The following TGIF1 variants were observed in gnomAD, a reference collection of about 807,000 sequenced individuals.
The protein encoded by TGIF1 is TGFB induced factor homeobox 1.
A neutral mutation model predicts 19.3 loss-of-function variants in TGIF1; 4 were observed. The ratio of observed to expected loss-of-function variants is 0.21; its 90% CI spans 0.10 to 0.47. TGIF1 has a LOEUF of 0.47. Among genes scored for constraint, TGIF1 ranks in the 20% least tolerant of loss-of-function variants. The probability of loss-of-function intolerance (pLI) is 0.98; values close to 1 mark genes in which losing one functional copy is unlikely to be tolerated. For synonymous variants in TGIF1, 122 were observed against 129.3 expected, an observed-to-expected ratio of 0.94 and a Z score of 0.38; for missense variants, 275 against 341.4, an observed-to-expected ratio of 0.81 and a Z score of 1.53.
chr18:3,440,128 A>T (rs1568038833), intron 2 of TGIF1, among the ~76,000 whole-genome samples: 1 of 152,182 alleles, frequency 6.6e-6, no homozygotes, highest in Non-Finnish European at 1.5e-5. Context: ...AGGAGAGCAG[A>T]TCCCTTGAGG....
upstream of TGIF1, among the ~76,000 whole-genome samples, chr18:3,445,748 A>G (rs2082734540): frequency 7.7e-6 from 1 of 129,574 alleles, no homozygotes; most frequent in African/African-American, 3.1e-5. Context: ...AAAAAAAAAA[A>G]AAAAAGAGAA....
intron 1 of TGIF1, among the ~76,000 whole-genome samples, chr18:3,417,449 C>T (rs889710211): frequency 3.3e-5 from 5 of 152,070 alleles, no homozygotes; most frequent in East Asian, 1.9e-4. Flanking sequence ...CATGAGCCAC[C>T]GTGCCTACCC....
intron 1 of TGIF1, among the ~76,000 whole-genome samples, chr18:3,416,386 G>T (rs190043342): frequency 3.9e-5 from 6 of 152,170 alleles, no homozygotes; most frequent in Non-Finnish European, 4.4e-5. Context: ...GGGTGTTATG[G>T]CACGCGCCTG....
intron 2 of TGIF1, among the ~76,000 whole-genome samples, chr18:3,433,455 T>C (rs1281145057): frequency 6.6e-6 from 1 of 152,234 alleles, no homozygotes; most frequent in Non-Finnish European, 1.5e-5. Context: ...ATATATTCTA[T>C]AACATGGCCG....
chr18:3,438,588 T>TACACACACACAC (rs1346525329), intron 2 of TGIF1, among the ~76,000 whole-genome samples: 1 of 43,524 alleles, frequency 2.3e-5, no homozygotes, highest in Non-Finnish European at 5.9e-5. Context: ...CATCATTTCA[T>TACACACACACAC]ACACACAAAC....
rs1568054458 is a variant in TGIF1, at chr18:3,457,061, CCT to C, written c.244-296_244-295del. ...AAAATGGGGAGAGTTAAAAAGTAAA[CCT>C]CTCTCTCAAATCATTTTTAAGCATT... On this transcript the variant is annotated intron_variant, in intron 2 of 2. Coordinates refer to ENST00000343820, the MANE Select transcript of TGIF1 (RefSeq NM_003244.4). This position sits in a 1 kb window ranked among gnomAD's most constrained non-coding sequence, Gnocchi z 4.9. The C allele has an allele frequency of 1.4e-5, 8 of 556,894 alleles. No homozygotes were observed. Among genetic ancestry groups the C allele is most frequent in the African/African-American group, 3.8e-5 (2 of 53,124 alleles). The allele number at this position is 556,894 out of a possible 1,614,324, so 34.5% of individuals were successfully genotyped here. A position where few individuals can be genotyped will look rare whatever the true frequency, so the allele number is the denominator to read the frequency against.
intron 1 of TGIF1, chr18:3,415,042 C>G (rs1221260783): frequency 6.5e-6 from 1 of 152,936 alleles, no homozygotes; most frequent in Non-Finnish European, 1.5e-5. Context: ...AGAAATCTTA[C>G]TTATTGGCCT....
chr18:3,452,168 G>C, intron 1 of TGIF1: 3 of 1,613,528 alleles, frequency 1.9e-6, no homozygotes, highest in Non-Finnish European at 2.5e-6. Context: ...TTCCCCCAGC[G>C]CCGTGGTCCT....
intron 1 of TGIF1, chr18:3,418,048 C>G (rs925462154): frequency 6.6e-6 from 1 of 151,786 alleles, no homozygotes; most frequent in African/African-American, 2.4e-5. Flanking sequence ...TTTTCCTCTC[C>G]CCAAATTGTC....
chr18:3,447,774 G>A, upstream of TGIF1: 4 of 1,614,164 alleles, frequency 2.5e-6, no homozygotes, highest in Non-Finnish European at 3.4e-6. Context: ...GCATTGGCCC[G>A]ATCAAGCCTG....
upstream of TGIF1, among the ~76,000 whole-genome samples, chr18:3,446,212 C>T (rs2082744427): frequency 1.3e-5 from 2 of 152,174 alleles, no homozygotes; most frequent in African/African-American, 2.4e-5. Context: ...GAGACAGAGT[C>T]TTGCTCTGTC....
At chr18:3,440,550 C>G (rs1457252962) in intron 2 of TGIF1, among the ~76,000 whole-genome samples, 1 of 152,120 alleles carries the variant, frequency 6.6e-6, no homozygotes, top group Non-Finnish European at 1.5e-5. Flanking sequence ...CCACTAATGG[C>G]TCTTGGACTC....
intron 1 of TGIF1, among the ~76,000 whole-genome samples, chr18:3,415,902 G>A (rs1027281694): frequency 2.0e-5 from 3 of 152,216 alleles, no homozygotes; most frequent in African/African-American, 4.8e-5. Context: ...ATACTTGAAC[G>A]TGGAGTCTCT....
intron 2 of TGIF1, among the ~76,000 whole-genome samples, chr18:3,436,080 C>T (rs552456883): frequency 5.3e-5 from 8 of 152,316 alleles, no homozygotes; most frequent in Middle Eastern, 3.4e-3. Context: ...TTCCTCTGAA[C>T]GCCTGAGCAC....
In TGIF1 at chr18:3,452,261, C is replaced by T. The variant is rs776544188; in HGVS notation, c.16+1756C>T. 6 of 1,609,528 alleles carry T rather than the reference C, an allele frequency of 3.7e-6. 1 individual carries two copies. The Middle Eastern group carries it at 5.0e-4, about 134-fold the overall frequency. ...CGCGCTGCCCACAGCCGCGTGCCCT[C>T]TCCCCGGAGCTGGGGACCAAGGCTG... On this transcript the variant is annotated intron_variant, in intron 1 of 2. Coordinates refer to ENST00000343820, the MANE Select transcript of TGIF1 (RefSeq NM_003244.4).
chr18:3,428,931 T>A (rs2082510937), intron 2 of TGIF1, among the ~76,000 whole-genome samples: 1 of 151,898 alleles, frequency 6.6e-6, no homozygotes, highest in African/African-American at 2.4e-5. Context: ...CGTGCCCCTG[T>A]AGTCCCAGCT....
intron 1 of TGIF1, among the ~76,000 whole-genome samples, chr18:3,417,694 A>G (rs1568026610): frequency 1.3e-5 from 2 of 152,202 alleles, no homozygotes; most frequent in Non-Finnish European, 2.9e-5. Context: ...GATATTTCCA[A>G]ATATTCATTT....
Position 3,457,997 on chromosome 18 carries a change from G to C in TGIF1, c.*57G>C. On this transcript the variant is annotated 3_prime_UTR_variant, in exon 3 of 3. Coordinates refer to ENST00000343820, the MANE Select transcript of TGIF1 (RefSeq NM_003244.4). This position sits in a 1 kb window ranked among gnomAD's most constrained non-coding sequence, Gnocchi z 4.9. ...GTCATGATTGCCGGGGTGAAGGCAA[G>C]AGATGAATTGCATTATTTTATATAT... 6.9e-7 allele frequency: 1 copy of C among 1,449,602 alleles called. No individual in the cohort carries two copies. Among genetic ancestry groups the C allele is most frequent in the Non-Finnish European group, 9.6e-7 (1 of 1,046,336 alleles). 89.8% of individuals were successfully genotyped at this position (1,449,602 alleles called of 1,614,324 possible). A position where few individuals can be genotyped will look rare whatever the true frequency, so the allele number is the denominator to read the frequency against.
chr18:3,433,039 G>T (rs1020489765), intron 2 of TGIF1, among the ~76,000 whole-genome samples: 3 of 151,666 alleles, frequency 2.0e-5, no homozygotes, highest in African/African-American at 7.3e-5. Context: ...GATTACTGGC[G>T]TGAGCCACTG....
Sources: allele counts gnomAD v4.1 joint callset (sites outside exome capture counted in the v4.1 genomes callset), GRCh38; gene constraint gnomAD v4.1.1; non-coding constraint Gnocchi (gnomAD v3.1); transcripts MANE v1.5; gene names NCBI Gene and HGNC (gene_info 2026-07-23, HGNC 2026-07-21).